FHIP1A: variants seen among roughly 807,000 people sequenced by gnomAD.
FHIP1A encodes FHF complex subunit HOOK-interacting protein 1A.
In FHIP1A, 61 loss-of-function variants were observed where a neutral mutation model predicts 88.6. The observed-to-expected ratio is 0.69, with a 90% CI of 0.56 to 0.85. The LOEUF (loss-of-function observed/expected upper bound fraction) is 0.85, where lower values mean the gene tolerates loss of function less well. FHIP1A is among the 40% of genes least tolerant of loss of function. The probability of loss-of-function intolerance (pLI) is 0.00; values close to 1 mark genes in which losing one functional copy is unlikely to be tolerated. For synonymous variants in FHIP1A, 478 were observed against 496.0 expected, an observed-to-expected ratio of 0.96 and a Z score of 0.48; for missense variants, 1,154 against 1,273.5, an observed-to-expected ratio of 0.91 and a Z score of 1.43.
intron 3 of FHIP1A, among the ~76,000 whole-genome samples, chr4:151,563,277 C>T (rs534494149): frequency 1.1e-4 from 16 of 152,254 alleles, no homozygotes; most frequent in Admixed American, 1.0e-3. Flanking sequence ...ACACCACACA[C>T]CTACATGCAC....
chr4:151,487,778 A>T (rs936638603), intron 3 of FHIP1A, among the ~76,000 whole-genome samples: 3 of 152,232 alleles, frequency 2.0e-5, no homozygotes, highest in African/African-American at 4.8e-5. Flanking sequence ...AACCACATAG[A>T]GTTTAAGAAA....
intron 2 of FHIP1A, among the ~76,000 whole-genome samples, chr4:151,456,239 G>A (rs181548755): frequency 6.6e-6 from 1 of 152,068 alleles, no homozygotes; most frequent in Non-Finnish European, 1.5e-5. Context: ...CATTGAAAAG[G>A]TTCTTTTTAA....
intron 3 of FHIP1A, among the ~76,000 whole-genome samples, chr4:151,519,294 G>T (rs374392801): frequency 6.6e-6 from 1 of 152,030 alleles, no homozygotes. Context: ...TCCACCATAG[G>T]TTAGTTTTGC....
At chr4:151,540,219 A>G (rs1732234394) in intron 3 of FHIP1A, among the ~76,000 whole-genome samples, 1 of 152,218 alleles carries the variant, frequency 6.6e-6, no homozygotes, top group African/African-American at 2.4e-5. Context: ...CTCTTAATCT[A>G]CAAACCATCA....
chr4:151,607,094 C>G (rs1261209997), intron 7 of FHIP1A, among the ~76,000 whole-genome samples: 1 of 152,142 alleles, frequency 6.6e-6, no homozygotes, highest in Non-Finnish European at 1.5e-5. Context: ...CACACTTACA[C>G]CCTTATCAGA....
chr4:151,457,517 T>A (rs182804019), intron 2 of FHIP1A, among the ~76,000 whole-genome samples: 47 of 152,356 alleles, frequency 3.1e-4, no homozygotes, highest in African/African-American at 1.1e-3. Context: ...AAATTCTCCA[T>A]GTTCCAGAAC....
rs142880734 is a variant in FHIP1A, at chr4:151,472,017, C to T, written c.-247-10507C>T. 5.3e-5 allele frequency among the ~76,000 whole-genome samples: 8 copies of T among 152,096 alleles called. No homozygotes were observed. In the East Asian group the frequency reaches 7.7e-4, roughly 15 times the overall value. On this transcript the variant is annotated intron_variant, in intron 2 of 13. Transcript: ENST00000435205. ...ACAGTTTCTTTATCTTCTCATTGAT[C>T]GATGGGCATTTGGGTTGGTTCCACA...
chr4:151,438,038 A>G (rs544733359), intron 1 of FHIP1A, among the ~76,000 whole-genome samples: 3 of 152,202 alleles, frequency 2.0e-5, no homozygotes, highest in South Asian at 2.1e-4. Context: ...CTGGGACTGT[A>G]TTGTCCCCAC....
At chr4:151,421,064 C>T (rs761001443) in intron 1 of FHIP1A, among the ~76,000 whole-genome samples, 60 of 152,216 alleles carry the variant, frequency 3.9e-4, no homozygotes, top group African/African-American at 1.0e-3. Flanking sequence ...TGATTTGCAA[C>T]GATTTTTGCT....
In FHIP1A at chr4:151,551,669, A is replaced by G. The variant is rs1732739704; in HGVS notation, c.-122-14469A>G. ...AAACTGGATCCCTTCCTTACACCTTATACAAAAATTAATTCAAGATGGATT... is the reference window on the plus strand; with the variant it reads ...AAACTGGATCCCTTCCTTACACCTTGTACAAAAATTAATTCAAGATGGATT... On this transcript the variant is annotated intron_variant, in intron 3 of 13. Coordinates refer to ENST00000435205, the MANE Select transcript of FHIP1A (RefSeq NM_001109977.3). Among the ~76,000 whole-genome samples the G allele has an allele frequency of 2.0e-5, 3 of 152,232 alleles. No individual in the cohort carries two copies. The South Asian group carries it at 6.2e-4, about 31-fold the overall frequency.
intron 7 of FHIP1A, among the ~76,000 whole-genome samples, chr4:151,605,882 G>C (rs79547924): frequency 6.6e-6 from 1 of 152,172 alleles, no homozygotes; most frequent in Admixed American, 6.5e-5. Flanking sequence ...GTATGTGGGC[G>C]GGCAGGCTGG....
intron 3 of FHIP1A, among the ~76,000 whole-genome samples, chr4:151,538,061 C>G (rs1162450873): frequency 6.6e-6 from 1 of 152,126 alleles, no homozygotes; most frequent in Non-Finnish European, 1.5e-5. Context: ...ATGACTTTAA[C>G]TGAGTCAGAA....
At chr4:151,443,952 G>A (rs1320997210) in intron 1 of FHIP1A, among the ~76,000 whole-genome samples, 2 of 151,514 alleles carry the variant, frequency 1.3e-5, no homozygotes, top group African/African-American at 4.9e-5. Context: ...AGGGAGAGAT[G>A]GGAGTGCTAA....
chr4:151,447,644 T>C (rs890834913), intron 1 of FHIP1A, among the ~76,000 whole-genome samples: 3 of 152,148 alleles, frequency 2.0e-5, no homozygotes, highest in African/African-American at 7.2e-5. Context: ...GTTGAAGGCC[T>C]AACCCCCAAT....
intron 3 of FHIP1A, among the ~76,000 whole-genome samples, chr4:151,538,744 G>A (rs915865776): frequency 6.6e-6 from 1 of 152,210 alleles, no homozygotes; most frequent in African/African-American, 2.4e-5. Flanking sequence ...TGGCTCAGTG[G>A]CATGCACACT....
intron 10 of FHIP1A, among the ~76,000 whole-genome samples, chr4:151,647,596 A>ATT (rs1736847945): frequency 6.6e-6 from 1 of 152,222 alleles, no homozygotes; most frequent in Non-Finnish European, 1.5e-5. Flanking sequence ...TATTAACGTA[A>ATT]TTTGTAGAAA....
chr4:151,580,000 T>C (rs1281875926), intron 5 of FHIP1A, among the ~76,000 whole-genome samples: 1 of 152,210 alleles, frequency 6.6e-6, no homozygotes, highest in Non-Finnish European at 1.5e-5. Context: ...ATAACCACAA[T>C]ACTGTTATTG....
intron 1 of FHIP1A, among the ~76,000 whole-genome samples, chr4:151,429,009 A>G (rs1733491422): frequency 6.6e-6 from 1 of 152,210 alleles, no homozygotes; most frequent in Non-Finnish European, 1.5e-5. Flanking sequence ...CTTACTGGTT[A>G]TAATTTATAT....
At chr4:151,512,959 A>G (rs1442276069) in intron 3 of FHIP1A, among the ~76,000 whole-genome samples, 1 of 152,218 alleles carries the variant, frequency 6.6e-6, no homozygotes, top group African/African-American at 2.4e-5. Context: ...GAACGCCACA[A>G]AGATACTCCT....
Sources: allele counts gnomAD v4.1 joint callset (sites outside exome capture counted in the v4.1 genomes callset), GRCh38; gene constraint gnomAD v4.1.1; transcripts MANE v1.5; gene names NCBI Gene and HGNC (gene_info 2026-07-23, HGNC 2026-07-21).